Variants in IMMP2L observed in about 807,000 individuals in gnomAD.
IMMP2L encodes inner mitochondrial membrane peptidase subunit 2.
IMMP2L carries 18 observed loss-of-function variants against 19.3 expected under a neutral mutation model. The observed-to-expected ratio is 0.93, with a 90% confidence interval of 0.64 to 1.38. The LOEUF (loss-of-function observed/expected upper bound fraction) is 1.38. IMMP2L is among the 40% of genes most tolerant of loss of function. The pLI is 0.00. For synonymous variants in IMMP2L, 76 were observed against 73.0 expected, an observed-to-expected ratio of 1.04 and a Z score of -0.21; for missense variants, 233 against 218.2, an observed-to-expected ratio of 1.07 and a Z score of -0.43.
chr7:111,174,882 C>T (rs1454251973), intron 3 of IMMP2L, among the ~76,000 whole-genome samples: 1 of 151,660 alleles, frequency 6.6e-6, no homozygotes, highest in Non-Finnish European at 1.5e-5. Flanking sequence ...TTTAAGTGGG[C>T]TAGATTTTCC....
chr7:111,557,812 C>T (rs1791543752), intron 1 of IMMP2L, among the ~76,000 whole-genome samples: 1 of 151,886 alleles, frequency 6.6e-6, no homozygotes, highest in African/African-American at 2.4e-5. Context: ...ACATTACTAG[C>T]TCAATGCAGA....
intron 1 of IMMP2L, among the ~76,000 whole-genome samples, chr7:111,532,807 G>C (rs543340270): frequency 1.3e-5 from 2 of 152,304 alleles, no homozygotes; most frequent in East Asian, 3.9e-4. Context: ...ATGGCTTGAA[G>C]ATTTGGAAAG....
intron 5 of IMMP2L, among the ~76,000 whole-genome samples, chr7:110,665,840 T>C (rs974310609): frequency 6.6e-6 from 1 of 152,226 alleles, no homozygotes; most frequent in African/African-American, 2.4e-5. Flanking sequence ...ATAATGTAAA[T>C]ATCCTATATG....
intron 3 of IMMP2L, among the ~76,000 whole-genome samples, chr7:111,080,013 A>T (rs922706458): frequency 1.7e-5 from 1 of 58,142 alleles, no homozygotes; most frequent in African/African-American, 3.1e-5. Context: ...AGCCTCCAGA[A>T]CTACAAAAAA....
chr7:111,225,718 G>A (rs1018112094), intron 3 of IMMP2L, among the ~76,000 whole-genome samples: 17 of 150,696 alleles, frequency 1.1e-4, no homozygotes, highest in Non-Finnish European at 2.2e-4. Flanking sequence ...AAGAATGGGT[G>A]GTTAAGTGGA....
chr7:111,514,189 C>T (rs1028118638), intron 2 of IMMP2L, among the ~76,000 whole-genome samples: 1 of 152,056 alleles, frequency 6.6e-6, no homozygotes, highest in African/African-American at 2.4e-5. Flanking sequence ...TAAATGTTCT[C>T]ACCACCAAAA....
intron 5 of IMMP2L, among the ~76,000 whole-genome samples, chr7:110,717,338 G>GTCTGT (rs1795294271): frequency 1.3e-5 from 2 of 152,130 alleles, no homozygotes; most frequent in African/African-American, 2.4e-5. Flanking sequence ...ATTAGCGGGT[G>GTCTGT]TCTGTAGTCC....
rs189469246 is a variant in IMMP2L at position 111,180,256 on chromosome 7, C to G, written c.240-216691G>C. 1.9e-3 allele frequency among the ~76,000 whole-genome samples: 288 copies of G among 152,118 alleles called. 1 individual carries two copies. Among genetic ancestry groups the G allele is most frequent in the African/African-American group, 6.7e-3 (277 of 41,512 alleles). ...AAAATTAATCATTTCTAGATTTTCACTTAAAGTGAGAGACTCATAACTCGT... is the reference window on the plus strand; with the variant it reads ...AAAATTAATCATTTCTAGATTTTCAGTTAAAGTGAGAGACTCATAACTCGT... On this transcript the variant is annotated intron_variant, in intron 3 of 5. Coordinates refer to ENST00000405709, the MANE Select transcript of IMMP2L (RefSeq NM_032549.4).
At chr7:110,809,679 A>C (rs1419152745) in intron 5 of IMMP2L, among the ~76,000 whole-genome samples, 1 of 152,052 alleles carries the variant, frequency 6.6e-6, no homozygotes, top group Non-Finnish European at 1.5e-5. Flanking sequence ...CTCCTAGAAA[A>C]TAGTGTTAAA....
chr7:111,386,523 G>T (rs1388032159), intron 3 of IMMP2L, among the ~76,000 whole-genome samples: 1 of 152,106 alleles, frequency 6.6e-6, no homozygotes, highest in Non-Finnish European at 1.5e-5. Context: ...AAGTGTGAAG[G>T]TATGTGTATT....
intron 5 of IMMP2L, among the ~76,000 whole-genome samples, chr7:110,812,367 A>AC (rs1802103884): frequency 6.6e-6 from 1 of 152,048 alleles, no homozygotes; most frequent in African/African-American, 2.4e-5. Flanking sequence ...ATTATTTGGC[A>AC]CCTCAGGAGT....
rs1350091968 is a variant in IMMP2L, at chr7:110,962,963, A to C, written c.305+537T>G. ...AATTGTTCTTGATTTATCAGCAAGT[A>C]CAATAAATACGACATTACTAAAGGC... On this transcript the variant is annotated intron_variant, in intron 4 of 5. Transcript: ENST00000405709. The C allele has an allele frequency of 5.5e-6, 8 of 1,456,800 alleles. No homozygotes were observed. The East Asian group carries it at 2.0e-4, about 37-fold the overall frequency. 90.2% of individuals were successfully genotyped at this position (1,456,800 alleles called of 1,614,324 possible).
intron 3 of IMMP2L, among the ~76,000 whole-genome samples, chr7:110,997,040 C>G (rs1422692467): frequency 1.3e-5 from 2 of 152,000 alleles, no homozygotes; most frequent in African/African-American, 4.8e-5. Flanking sequence ...TCATGCTACC[C>G]TTTAATAGCC....
intron 3 of IMMP2L, among the ~76,000 whole-genome samples, chr7:111,359,086 G>A (rs1829006090): frequency 1.3e-5 from 2 of 152,078 alleles, no homozygotes; most frequent in Admixed American, 6.6e-5. Flanking sequence ...CTCTTGCCAA[G>A]CCGATACACT....
intron 2 of IMMP2L, chr7:111,492,502 T>TTTGA: frequency 5.3e-6 from 2 of 377,294 alleles, no homozygotes; most frequent in Non-Finnish European, 7.3e-6. Flanking sequence ...TGATGGGGAC[T>TTTGA]CCTCTGTAAA....
chr7:110,966,591 T>G (rs951209661), intron 3 of IMMP2L, among the ~76,000 whole-genome samples: 1 of 151,990 alleles, frequency 6.6e-6, no homozygotes, highest in Non-Finnish European at 1.5e-5. Context: ...TGAGGCAAAA[T>G]AGAGTATGCA....
chr7:110,670,091 T>C (rs1466983604), intron 5 of IMMP2L, among the ~76,000 whole-genome samples: 1 of 152,034 alleles, frequency 6.6e-6, no homozygotes. Flanking sequence ...TTTAAAGGGA[T>C]GATTAAGTTA....
At chr7:110,909,237 A>C (rs1812782053) in intron 4 of IMMP2L, among the ~76,000 whole-genome samples, 1 of 152,162 alleles carries the variant, frequency 6.6e-6, no homozygotes, top group Non-Finnish European at 1.5e-5. Flanking sequence ...ACTGTGCTGT[A>C]CTTTGCTGGA....
intron 5 of IMMP2L, among the ~76,000 whole-genome samples, chr7:110,783,658 A>G (rs1184331185): frequency 6.6e-6 from 1 of 151,960 alleles, no homozygotes; most frequent in Non-Finnish European, 1.5e-5. Flanking sequence ...GGGTTCTGTG[A>G]AAAATTCAAT....
Sources: allele counts gnomAD v4.1 joint callset (sites outside exome capture counted in the v4.1 genomes callset), GRCh38; gene constraint gnomAD v4.1.1; transcripts MANE v1.5; gene names NCBI Gene and HGNC (gene_info 2026-07-23, HGNC 2026-07-21).